The following TRIM23 variants were observed in gnomAD, a reference collection of about 807,000 sequenced individuals.
TRIM23 encodes the protein tripartite motif containing 23.
Under a neutral mutation model 71.0 loss-of-function variants are expected in TRIM23, and 27 were observed. The observed-to-expected ratio is 0.38, with a 90% confidence interval of 0.28 to 0.52. The LOEUF is 0.52. TRIM23 is among the 20% of genes least tolerant of loss of function. The pLI, the probability that TRIM23 is intolerant of heterozygous loss-of-function variation, is 0.84. For synonymous variants in TRIM23, 234 were observed against 238.0 expected (o/e 0.98, Z 0.16); for missense variants, 482 against 692.3 (o/e 0.70, Z 3.41).
At chr5:65,592,054 A>C in intron 10 of TRIM23, 106 bp from the exon 11 acceptor site, 1 of 1,083,128 alleles carries the variant, frequency 9.2e-7, no homozygotes, top group Non-Finnish European at 1.3e-6. Flanking sequence ...ACAGAAGCCT[A>C]AACAAAAAAC....
chr5:65,591,729 CTT>C lies in TRIM23; in HGVS notation c.*38_*39del, dbSNP rs933024511. ...TTAAAACATACTATGTGCAAAGTTA[CTT>C]TTAACCACAAAACTTCAAACAACTG... On this transcript the variant is annotated 3_prime_UTR_variant, in exon 11 of 11. Coordinates refer to ENST00000231524, the MANE Select transcript of TRIM23 (RefSeq NM_001656.4). 1.3e-6 allele frequency: 2 copies of C among 1,569,788 alleles called. No homozygotes were observed. The highest frequency in any genetic ancestry group is 2.7e-5 in the African/African-American group (2 of 73,268).
In TRIM23 at chr5:65,614,188, A is replaced by T. The variant is rs1375166416; in HGVS notation, c.276T>A (p.Asn92Lys). Residue 92 changes from asparagine (N) to lysine (K), a missense_variant, in exon 3 of 11, where the codon AAT becomes AAA. Around this residue, in one of 2 missense-constraint regions of TRIM23, gnomAD observed 175 missense variants for 196.5 expected, o/e 0.89. Coordinates refer to ENST00000231524, the MANE Select transcript of TRIM23 (RefSeq NM_001656.4). ...GDSGVWGLKK[N>K]FALLELLERL... ...GTTCCAAAAGCTCCAATAAAGCAAA[A>T]TTTTTTTTCAATCCCCAGACACCTG... is the stretch of plus-strand genomic sequence containing the variant. 1 of 1,613,592 alleles carries T rather than the reference A, an allele frequency of 6.2e-7. No homozygotes were observed.
At chr5:65,619,139 A>G (rs1190794624) in intron 1 of TRIM23, among the ~76,000 whole-genome samples, 1 of 152,156 alleles carries the variant, frequency 6.6e-6, no homozygotes, top group African/African-American at 2.4e-5. Flanking sequence ...ACCTGCTACA[A>G]TCTGGTCCCT....
chr5:65,609,176 T>G, intron 6 of TRIM23, 67 bp downstream of exon 6: 3 of 1,497,496 alleles, frequency 2.0e-6, no homozygotes, highest in Non-Finnish European at 9.3e-7. Context: ...AACACACTAA[T>G]GTATACCTCT....
intron 3 of TRIM23, chr5:65,613,682 G>A (rs1017676114): frequency 1.8e-6 from 2 of 1,138,118 alleles, no homozygotes; most frequent in Non-Finnish European, 2.2e-6. Context: ...AGAAGTTACT[G>A]CTATCTTTAA....
chr5:65,617,248 T>G (rs549077032), intron 2 of TRIM23, among the ~76,000 whole-genome samples: 1 of 152,310 alleles, frequency 6.6e-6, no homozygotes, highest in South Asian at 2.1e-4. Flanking sequence ...CCAGAAAATA[T>G]TTTAAAACCA....
At chr5:65,607,270 T>G (rs995145116) in intron 6 of TRIM23, 3 of 152,208 alleles carry the variant, frequency 2.0e-5, no homozygotes, top group Admixed American at 6.5e-5. Flanking sequence ...TGCATTAACA[T>G]AGATAATACT....
chr5:65,600,631 A>AAAG (rs1754336987), intron 7 of TRIM23, among the ~76,000 whole-genome samples: 1 of 151,638 alleles, frequency 6.6e-6, no homozygotes. Context: ...GTAAAAAAAA[A>AAAG]AAAAAAAAAG....
chr5:65,613,858 G>A (rs1340304275), intron 3 of TRIM23: 1 of 1,411,034 alleles, frequency 7.1e-7, no homozygotes, highest in South Asian at 1.2e-5. Context: ...TGGTAGAACT[G>A]AATTATGATA....
At chr5:65,609,949 A>G (rs1754609304) in intron 5 of TRIM23, among the ~76,000 whole-genome samples, 1 of 152,136 alleles carries the variant, frequency 6.6e-6, no homozygotes, top group South Asian at 2.1e-4. Context: ...AGTCATCATT[A>G]TCAGCTCTCT....
chr5:65,612,184 C>T (rs1754668443), intron 3 of TRIM23, among the ~76,000 whole-genome samples: 1 of 152,150 alleles, frequency 6.6e-6, no homozygotes, highest in African/African-American at 2.4e-5. Flanking sequence ...CCTCACTTTA[C>T]ACAAAAGAAA....
intron 7 of TRIM23, among the ~76,000 whole-genome samples, chr5:65,603,953 A>G (rs1279503989): frequency 8.5e-6 from 1 of 118,234 alleles, no homozygotes; most frequent in Non-Finnish European, 1.7e-5. Context: ...TGTAATAATG[A>G]TATTTTGGCT....
chr5:65,591,447 C>G lies in TRIM23; in HGVS notation c.*322G>C. Reference sequence around the variant, plus strand: ...CACTGAAAGAATAAACCTTCACTTACCCTTTCTCTGTGACTACCTCTTTCC... The same window carrying G: ...CACTGAAAGAATAAACCTTCACTTAGCCTTTCTCTGTGACTACCTCTTTCC... On this transcript the variant is annotated 3_prime_UTR_variant, in exon 11 of 11. Transcript: ENST00000231524. 1.3e-6 allele frequency: 2 copies of G among 1,594,984 alleles called. No homozygotes were observed. Among genetic ancestry groups the G allele is most frequent in the Non-Finnish European group, 1.7e-6 (2 of 1,171,786 alleles).
intron 6 of TRIM23, among the ~76,000 whole-genome samples, chr5:65,608,615 C>T (rs2150633295): frequency 6.6e-6 from 1 of 152,240 alleles, no homozygotes; most frequent in East Asian, 1.9e-4. Context: ...ATTCTTATAC[C>T]TCACACTTAT....
Position 65,611,872 on chromosome 5 carries a change from G to C in TRIM23, c.376C>G (p.Arg126Gly). Reference sequence around the variant, plus strand: ...AGGTGAGCTTCATCTTCATCACAACGAATGATGCTCTGATAAACAAAAAAT... The same window carrying C: ...AGGTGAGCTTCATCTTCATCACAACCAATGATGCTCTGATAAACAAAAAAT... ...SIGISGESII[R>G]CDEDEAHLAS... The change falls in exon 4 of 11, where the codon CGT becomes GGT. Residue 126 changes from arginine to glycine, a missense_variant. Physicochemically the swap from Arg to Gly is moderately radical, Grantham distance 125. Transcript: ENST00000231524. The C allele has an allele frequency of 1.2e-6, 2 of 1,609,958 alleles. No individual in the cohort carries two copies. The highest frequency in any genetic ancestry group is 1.7e-6 in the Non-Finnish European group (2 of 1,176,592).
chr5:65,618,314 A>G (rs1754826468), intron 1 of TRIM23, 59 bp from the exon 2 acceptor site: 1 of 1,476,548 alleles, frequency 6.8e-7, no homozygotes, highest in Non-Finnish European at 9.0e-7. Context: ...TACATATTTT[A>G]GGTATATAAG....
chr5:65,604,462 T>A (rs1297221601), intron 7 of TRIM23, among the ~76,000 whole-genome samples: 1 of 152,046 alleles, frequency 6.6e-6, no homozygotes, highest in African/African-American at 2.4e-5. Context: ...ATAGATGAAA[T>A]AAGATATTGG....
chr5:65,612,265 CT>C (rs1194891927), intron 3 of TRIM23, among the ~76,000 whole-genome samples: 1 of 152,132 alleles, frequency 6.6e-6, no homozygotes, highest in Non-Finnish European at 1.5e-5. Context: ...ATCCCCATAG[CT>C]TTAAATATTA....
chr5:65,604,133 G>A (rs1358186894), intron 7 of TRIM23, among the ~76,000 whole-genome samples: 1 of 151,510 alleles, frequency 6.6e-6, no homozygotes, highest in Non-Finnish European at 1.5e-5. Context: ...TTTTGCTCTT[G>A]TTACCCAGGC....
Sources: gnomAD v4.1 joint callset for allele counts (sites outside exome capture counted in the v4.1 genomes callset) on GRCh38, gnomAD v4.1.1 for gene constraint, gnomAD v4.1.1 regional missense constraint, MANE v1.5 for transcripts, NCBI Gene and HGNC (gene_info 2026-07-23, HGNC 2026-07-21) for gene names.